Variants in ATP6V0A1 observed in about 807,000 individuals in gnomAD.
ATP6V0A1 encodes V-type proton ATPase 116 kDa subunit a 1.
A neutral mutation model predicts 105.4 loss-of-function variants in ATP6V0A1; 43 were observed. The ratio of observed to expected loss-of-function variants is 0.41; its 90% CI spans 0.32 to 0.53. The LOEUF is 0.53. ATP6V0A1 is among the 20% of genes least tolerant of loss of function. ATP6V0A1 has a pLI of 0.30. For missense variants in ATP6V0A1, 676 were observed against 1,051.1 expected (o/e 0.64, Z 4.93); for synonymous variants, 362 against 372.8 (o/e 0.97, Z 0.33).
At chr17:42,467,910 C>G in intron 3 of ATP6V0A1, 100 bp from the exon 4 acceptor site, 3 of 477,354 alleles carry the variant, frequency 6.3e-6, no homozygotes, top group Non-Finnish European at 1.0e-5. Flanking sequence ...TTGAATAAAA[C>G]TTTTTGTAAC....
chr17:42,478,674 A>G, intron 7 of ATP6V0A1, 85 bp downstream of exon 7: 1 of 1,372,328 alleles, frequency 7.3e-7, no homozygotes, highest in Non-Finnish European at 9.7e-7. Context: ...ACCTGAATCC[A>G]GTGCTTCCAC....
chr17:42,487,079 C>A, intron 9 of ATP6V0A1, 76 bp from the exon 10 acceptor site: 1 of 1,376,046 alleles, frequency 7.3e-7, no homozygotes, highest in East Asian at 2.3e-5. Context: ...GAAAGCTATG[C>A]CTCTTTGCCA....
At chr17:42,514,054 C>A in intron 20 of ATP6V0A1, 76 bp downstream of exon 20, 1 of 1,477,320 alleles carries the variant, frequency 6.8e-7, no homozygotes, top group Non-Finnish European at 9.4e-7. Flanking sequence ...GGGCTTAAGT[C>A]AAATGGAAAT....
chr17:42,483,180 G>A (rs763876960), intron 9 of ATP6V0A1, 49 bp downstream of exon 9: 7 of 1,343,176 alleles, frequency 5.2e-6, no homozygotes, highest in East Asian at 5.1e-5. Context: ...ACTGGAATAC[G>A]AGACCATTAT....
chr17:42,517,288 A>T (rs927750623), intron 21 of ATP6V0A1, among the ~76,000 whole-genome samples: 2 of 151,804 alleles, frequency 1.3e-5, no homozygotes, highest in African/African-American at 4.8e-5. Context: ...TCAAAACAAC[A>T]ACAACAACAA....
intron 21 of ATP6V0A1, 93 bp from the exon 22 acceptor site, chr17:42,520,933 TG>T: frequency 1.8e-6 from 2 of 1,114,962 alleles, no homozygotes; most frequent in Non-Finnish European, 2.6e-6. Flanking sequence ...CGGGGTGAGG[TG>T]GGCACGGGGC....
At chr17:42,463,795 A>G (rs1422650628) in intron 2 of ATP6V0A1, among the ~76,000 whole-genome samples, 1 of 152,242 alleles carries the variant, frequency 6.6e-6, no homozygotes. Context: ...GCTTTTGACC[A>G]GAAGCCCTAC....
chr17:42,506,539 G>T (rs1054007454), intron 17 of ATP6V0A1, among the ~76,000 whole-genome samples: 2 of 152,250 alleles, frequency 1.3e-5, no homozygotes, highest in African/African-American at 2.4e-5. Context: ...CTGCCCGAAG[G>T]CCAGGTTGCA....
intron 5 of ATP6V0A1, among the ~76,000 whole-genome samples, chr17:42,475,928 A>G (rs1430498346): frequency 6.6e-6 from 1 of 152,156 alleles, no homozygotes; most frequent in Non-Finnish European, 1.5e-5. Flanking sequence ...CATCAGTTAG[A>G]GCACATGTGT....
chr17:42,477,636 C>G, intron 5 of ATP6V0A1, 24 bp from the exon 6 acceptor site: 1 of 1,611,556 alleles, frequency 6.2e-7, no homozygotes, highest in Non-Finnish European at 8.5e-7. Flanking sequence ...TTTGTGAATT[C>G]AGGCTGAATT....
chr17:42,514,471 G>T lies in ATP6V0A1; in HGVS notation c.2420+11G>T. 6.3e-7 allele frequency: 1 copy of T among 1,576,574 alleles called. No homozygotes were observed. ...ACTGCGCTTACACTGGTGAGGGGCA[G>T]TGGGGCAGGGCGGGCATGGGGGTGG... On this transcript the variant is annotated intron_variant, in intron 21 of 21. Coordinates refer to ENST00000343619, the MANE Select transcript of ATP6V0A1 (RefSeq NM_001130021.3).
chr17:42,509,606 T>C (rs1185050072), intron 19 of ATP6V0A1, among the ~76,000 whole-genome samples: 1 of 152,236 alleles, frequency 6.6e-6, no homozygotes, highest in Non-Finnish European at 1.5e-5. Flanking sequence ...CTGGCTGAGC[T>C]ACCTGGCAGG....
At position 42,495,632 on chromosome 17, in the gene ATP6V0A1, G is replaced by C. The variant is rs2091085811; in HGVS notation, c.1476G>C (p.Glu492Asp). 1.2e-6 allele frequency: 2 copies of C among 1,612,730 alleles called. No individual in the cohort carries two copies. The highest frequency in any genetic ancestry group is 1.7e-6 in the Non-Finnish European group (2 of 1,178,798). Residue 492 changes from glutamate to aspartate, a missense_variant, in exon 14 of 22, where the codon GAG becomes GAC. Glu to Asp is a conservative substitution (Grantham distance 45). Around this residue, in one of 3 missense-constraint regions of ATP6V0A1, gnomAD observed 435 missense variants for 642.2 expected, o/e 0.68. Transcript: ENST00000343619. ...RPMFTYNWTEETLRGNPVLQL... is the reference protein window; with the variant it reads ...RPMFTYNWTEDTLRGNPVLQL... ...TTTTTCCCTGTCATGGTAGTGAAGA[G>C]ACGCTTCGGGGGAACCCTGTTCTAC...
At chr17:42,498,852 T>C in intron 14 of ATP6V0A1, 72 bp from the exon 15 acceptor site, 3 of 1,091,074 alleles carry the variant, frequency 2.7e-6, no homozygotes, top group South Asian at 2.8e-5. Context: ...AAAAATTGTT[T>C]TTTAAACAGA....
intron 11 of ATP6V0A1, among the ~76,000 whole-genome samples, chr17:42,490,890 C>T (rs964988196): frequency 5.3e-5 from 8 of 152,046 alleles, no homozygotes; most frequent in African/African-American, 1.7e-4. Flanking sequence ...GACTGGGTCT[C>T]ATTCTGTTGC....
At chr17:42,492,729 T>C (rs749194458) in intron 11 of ATP6V0A1, among the ~76,000 whole-genome samples, 3 of 132,322 alleles carry the variant, frequency 2.3e-5, no homozygotes, top group Non-Finnish European at 3.2e-5. Flanking sequence ...AAAAAAAAGT[T>C]CATCGGCTGG....
intron 5 of ATP6V0A1, among the ~76,000 whole-genome samples, chr17:42,473,025 A>G (rs979251648): frequency 2.6e-5 from 4 of 152,192 alleles, no homozygotes; most frequent in African/African-American, 9.7e-5. Flanking sequence ...TAATTTAAGG[A>G]TTTGACTCAG....
chr17:42,513,872 G>A lies in ATP6V0A1; in HGVS notation c.2142G>A (p.Gly714=). The change falls in exon 20 of 22, where the codon GGG becomes GGA. Residue 714 remains glycine (G), a synonymous_variant. Transcript: ENST00000343619. ...EPSEDEVFDF[G]DTMVHQAIHT... ...TCCTCCCACGACAGTTTGACTTTGGGGACACCATGGTCCACCAGGCCATCC... is the reference window on the plus strand; with the variant it reads ...TCCTCCCACGACAGTTTGACTTTGGAGACACCATGGTCCACCAGGCCATCC... 6.2e-7 allele frequency: 1 copy of A among 1,613,936 alleles called. No homozygotes were observed. The highest frequency in any genetic ancestry group is 1.1e-5 in the South Asian group (1 of 91,080).
chr17:42,480,414 A>C (rs2089340741), intron 7 of ATP6V0A1: 1 of 360,450 alleles, frequency 2.8e-6, no homozygotes, highest in South Asian at 3.9e-5. Flanking sequence ...TAAGAGGAGC[A>C]TCATCTTAGC....
Sources: gnomAD v4.1 joint callset for allele counts (sites outside exome capture counted in the v4.1 genomes callset) on GRCh38, gnomAD v4.1.1 for gene constraint, gnomAD v4.1.1 regional missense constraint, MANE v1.5 for transcripts, NCBI Gene and HGNC (gene_info 2026-07-23, HGNC 2026-07-21) for gene names.